The following PRKAB1 variants were observed in gnomAD, a reference collection of about 807,000 sequenced individuals.
PRKAB1 encodes the protein protein kinase AMP-activated non-catalytic subunit beta 1, also known as 5'-AMP-activated protein kinase subunit beta-1.
Under a neutral mutation model 32.0 loss-of-function variants are expected in PRKAB1, and 18 were observed. That is an observed-to-expected ratio of 0.56 (90% CI 0.39 to 0.83). The LOEUF (loss-of-function observed/expected upper bound fraction) is 0.83, where lower values mean the gene tolerates loss of function less well. Ranked by LOEUF, PRKAB1 falls within the 40% of genes least tolerant of loss-of-function variation. The probability of loss-of-function intolerance (pLI) is 0.00; values close to 1 mark genes in which losing one functional copy is unlikely to be tolerated. For missense variants in PRKAB1, 263 were observed against 352.6 expected, an observed-to-expected ratio of 0.75 and a Z score of 2.03; for synonymous variants, 141 against 141.4, an observed-to-expected ratio of 1.00 and a Z score of 0.02.
In PRKAB1 at chr12:119,674,054, C is replaced by G. The variant is rs146404701; in HGVS notation, c.414C>G (p.Ser138=). 1.2e-6 allele frequency: 2 copies of G among 1,613,058 alleles called. No individual in the cohort carries two copies. The highest frequency in any genetic ancestry group is 1.7e-6 in the Non-Finnish European group (2 of 1,179,304). ...FVDGQWTHDP[S]EPIVTSQLGT... The stretch of plus-strand genomic sequence containing the variant: ...ATGGTCAGTGGACGCACGACCCTTC[C>G]GAGGTACTCTTCCTCCCACCTCTGG... The change falls in exon 3 of 7, where the codon TCC becomes TCG. Residue 138 remains serine (S), a synonymous_variant. Coordinates refer to ENST00000229328, the MANE Select transcript of PRKAB1 (RefSeq NM_006253.5). This position sits in a 1 kb window ranked among gnomAD's most constrained non-coding sequence, Gnocchi z 4.3.
In PRKAB1 at chr12:119,674,106, C is replaced by A. The variant is rs761843387; in HGVS notation, c.417+49C>A. On this transcript the variant is annotated intron_variant, in intron 3 of 6. Coordinates refer to ENST00000229328, the MANE Select transcript of PRKAB1 (RefSeq NM_006253.5). The surrounding 1 kb of genome is among the most constrained non-coding windows in gnomAD (Gnocchi z 4.3). ...CCTCTGGGTGCCCGCACATTCCAAA[C>A]AAATCACCTTCCCAAGAGATTGCCG... is the stretch of plus-strand genomic sequence containing the variant. 3 of 1,532,854 alleles carry A rather than the reference C, an allele frequency of 2.0e-6. No individual in the cohort carries two copies. The highest frequency in any genetic ancestry group is 2.7e-6 in the Non-Finnish European group (3 of 1,114,498). 95.0% of individuals were successfully genotyped at this position (1,532,854 alleles called of 1,614,324 possible). A position where few individuals can be genotyped will look rare whatever the true frequency, so the allele number is the denominator to read the frequency against.
At chr12:119,671,563 GACTC>G (rs1955389182) in intron 1 of PRKAB1, 1 of 362,604 alleles carries the variant, frequency 2.8e-6, no homozygotes, top group Non-Finnish European at 5.6e-6. Context: ...GATCTCATGA[GACTC>G]ACTCACTGTC....
At chr12:119,671,417 G>A (rs375692560) in intron 1 of PRKAB1, 4 of 340,864 alleles carry the variant, frequency 1.2e-5, no homozygotes, top group East Asian at 1.8e-4. Flanking sequence ...AAAGAAAAGA[G>A]GTTTAATTGA....
At chr12:119,673,852 C>T (rs1421146350) in intron 2 of PRKAB1, 112 bp from the exon 3 acceptor site, 4 of 803,010 alleles carry the variant, frequency 5.0e-6, no homozygotes, top group South Asian at 1.7e-5. Context: ...TGTTCTCCTG[C>T]AGCTGAACTC....
At chr12:119,669,161 A>G (rs1035488273) in intron 1 of PRKAB1, among the ~76,000 whole-genome samples, 2 of 151,678 alleles carry the variant, frequency 1.3e-5, no homozygotes, top group African/African-American at 4.8e-5. Flanking sequence ...TGGTCTCACA[A>G]TGTTCTCCAG....
Position 119,679,770 on chromosome 12 carries a change from A to G in PRKAB1, c.667-163A>G. On this transcript the variant is annotated intron_variant, in intron 5 of 6. Coordinates refer to ENST00000229328, the MANE Select transcript of PRKAB1 (RefSeq NM_006253.5). The surrounding 1 kb of genome is among the most constrained non-coding windows in gnomAD (Gnocchi z 4.1). ...CTTCAGGTCAGAAGGCGTGACCTTC[A>G]TCTCACCTGTCGTCTTGGACAAGCC... 1.4e-6 allele frequency: 1 copy of G among 695,112 alleles called. No individual in the cohort carries two copies. The highest frequency in any genetic ancestry group is 2.1e-5 in the Admixed American group (1 of 46,618). 43.1% of individuals were successfully genotyped at this position (695,112 alleles called of 1,614,324 possible).
chr12:119,680,498 G>A lies in PRKAB1; in HGVS notation c.*173G>A, dbSNP rs1270772590. On this transcript the variant is annotated 3_prime_UTR_variant, in exon 7 of 7. Coordinates refer to ENST00000229328, the MANE Select transcript of PRKAB1 (RefSeq NM_006253.5). ...TTGTCCAGGCAGAGCAGCTCCTGCA[G>A]CGCCTCGGTCTGTGACAGTCCTCCT... 1.5e-6 allele frequency: 1 copy of A among 677,476 alleles called. No homozygotes were observed. Among genetic ancestry groups the A allele is most frequent in the Non-Finnish European group, 2.5e-6 (1 of 396,332 alleles). 42.0% of individuals were successfully genotyped at this position (677,476 alleles called of 1,614,324 possible).
At chr12:119,671,323 G>C (rs1955386998) in intron 1 of PRKAB1, among the ~76,000 whole-genome samples, 1 of 152,176 alleles carries the variant, frequency 6.6e-6, no homozygotes, top group Non-Finnish European at 1.5e-5. Context: ...TTTTATCATT[G>C]TGTGAACATC....
intron 1 of PRKAB1, 153 bp from the exon 2 acceptor site, chr12:119,672,148 T>G: frequency 1.4e-6 from 1 of 702,664 alleles, no homozygotes; most frequent in Non-Finnish European, 2.3e-6. Flanking sequence ...ATATTTCTAT[T>G]TTGCAGGCAA....
chr12:119,668,501 A>G, intron 1 of PRKAB1, 98 bp downstream of exon 1: 1 of 1,457,274 alleles, frequency 6.9e-7, no homozygotes, highest in Non-Finnish European at 9.3e-7. Flanking sequence ...AAACACCAGA[A>G]CGGAGAGGGA....
At chr12:119,671,567 C>A in intron 1 of PRKAB1, 1 of 354,328 alleles carries the variant, frequency 2.8e-6, no homozygotes, top group South Asian at 2.2e-5. Flanking sequence ...TCATGAGACT[C>A]ACTCACTGTC....
rs1320658964 is a variant in PRKAB1, at chr12:119,674,694, C to T, written c.532+240C>T. On this transcript the variant is annotated intron_variant, in intron 4 of 6. Coordinates refer to ENST00000229328, the MANE Select transcript of PRKAB1 (RefSeq NM_006253.5). The surrounding 1 kb of genome is among the most constrained non-coding windows in gnomAD (Gnocchi z 4.3). The stretch of plus-strand genomic sequence containing the variant: ...TCAGTAGGTCTGCTTGGCCACAGAA[C>T]GCAGACAGCAGAAATGGAACCATAG... Among the ~76,000 whole-genome samples, 2 of 152,170 alleles carry T rather than the reference C, an allele frequency of 1.3e-5. No homozygotes were observed. Among genetic ancestry groups the T allele is most frequent in the Non-Finnish European group, 2.9e-5 (2 of 68,040 alleles).
chr12:119,678,455 A>G (rs1274557235), intron 5 of PRKAB1: 1 of 152,210 alleles, frequency 6.6e-6, no homozygotes, highest in South Asian at 2.1e-4. Context: ...ACCGTGTTGT[A>G]CAGTGGATCT....
chr12:119,674,220 C>A lies in PRKAB1; in HGVS notation c.418-120C>A. 2 of 1,025,040 alleles carry A rather than the reference C, an allele frequency of 2.0e-6. No individual in the cohort carries two copies. The highest frequency in any genetic ancestry group is 2.9e-6 in the Non-Finnish European group (2 of 682,546). 63.5% of individuals were successfully genotyped at this position (1,025,040 alleles called of 1,614,324 possible). A position where few individuals can be genotyped will look rare whatever the true frequency, so the allele number is the denominator to read the frequency against. On this transcript the variant is annotated intron_variant, in intron 3 of 6. Coordinates refer to ENST00000229328, the MANE Select transcript of PRKAB1 (RefSeq NM_006253.5). This position sits in a 1 kb window ranked among gnomAD's most constrained non-coding sequence, Gnocchi z 4.3. ...CTGTCAGACAGTTGGCATACTTGACCAAGATGAGCAGGGTGGCTAGCCAGG... is the reference window on the plus strand; with the variant it reads ...CTGTCAGACAGTTGGCATACTTGACAAAGATGAGCAGGGTGGCTAGCCAGG...
Position 119,673,981 on chromosome 12 carries a change from C to G in PRKAB1, c.341C>G (p.Ala114Gly), listed in dbSNP as rs1245467754. ...PLTRSHNNFV[A>G]ILDLPEGEHQ... is the part of the protein sequence containing the mutation. ...CCTTGCAGCCACAATAACTTTGTAG[C>G]CATCCTGGATCTGCCGGAAGGAGAG... Residue 114 changes from alanine (A) to glycine (G), a missense_variant, in exon 3 of 7, where the codon GCC becomes GGC. By Grantham distance (60) the Ala-to-Gly change is moderately conservative (BLOSUM62 0). Transcript: ENST00000229328. The G allele has an allele frequency of 1.9e-6, 3 of 1,613,426 alleles. No homozygotes were observed. The African/African-American group carries it at 4.0e-5, about 22-fold the overall frequency.
chr12:119,679,788 G>A lies in PRKAB1; in HGVS notation c.667-145G>A, dbSNP rs1955450660. ...GACCTTCATCTCACCTGTCGTCTTGGACAAGCCCTTGCGCTGCCTGATTTG... is the reference window on the plus strand; with the variant it reads ...GACCTTCATCTCACCTGTCGTCTTGAACAAGCCCTTGCGCTGCCTGATTTG... On this transcript the variant is annotated intron_variant, in intron 5 of 6. Transcript: ENST00000229328. The surrounding 1 kb of genome is among the most constrained non-coding windows in gnomAD (Gnocchi z 4.1). 2 of 819,460 alleles carry A rather than the reference G, an allele frequency of 2.4e-6. No individual in the cohort carries two copies. Among genetic ancestry groups the A allele is most frequent in the East Asian group, 5.2e-5 (2 of 38,202 alleles). 50.8% of individuals were successfully genotyped at this position (819,460 alleles called of 1,614,324 possible).
intron 5 of PRKAB1, chr12:119,677,767 T>TTG (rs1555211644): frequency 2.1e-5 from 3 of 144,196 alleles, no homozygotes; most frequent in Admixed American, 6.9e-5. Flanking sequence ...GTTTGTTTTT[T>TTG]TTTTTTTTTT....
chr12:119,680,277 C>T lies in PRKAB1; in HGVS notation c.765C>T (p.His255=), dbSNP rs1955454335. The part of the protein sequence containing the change: ...KDGVMVLSAT[H]RYKKKYVTTL... ...GAGTGATGGTGCTCAGCGCAACCCACCGGTACAAGAAGAAGTACGTCACCA... is the reference window on the plus strand; with the variant it reads ...GAGTGATGGTGCTCAGCGCAACCCATCGGTACAAGAAGAAGTACGTCACCA... The change falls in exon 7 of 7, where the codon CAC becomes CAT. Residue 255 remains histidine, a synonymous_variant. Coordinates refer to ENST00000229328, the MANE Select transcript of PRKAB1 (RefSeq NM_006253.5). 1.2e-6 allele frequency: 2 copies of T among 1,614,156 alleles called. No homozygotes were observed. Among genetic ancestry groups the T allele is most frequent in the East Asian group, 2.2e-5 (1 of 44,876 alleles).
chr12:119,671,056 C>A (rs1216276987), intron 1 of PRKAB1, among the ~76,000 whole-genome samples: 1 of 152,202 alleles, frequency 6.6e-6, no homozygotes, highest in Non-Finnish European at 1.5e-5. Context: ...GAGTTTATTT[C>A]TTATTCTGGA....
Sources: gnomAD v4.1 joint callset for allele counts (sites outside exome capture counted in the v4.1 genomes callset) on GRCh38, gnomAD v4.1.1 for gene constraint, Gnocchi (gnomAD v3.1) non-coding constraint, MANE v1.5 for transcripts, NCBI Gene and HGNC (gene_info 2026-07-23, HGNC 2026-07-21) for gene names.